GCC2: variants seen among roughly 807,000 people sequenced by gnomAD.
GCC2 encodes GRIP and coiled-coil domain-containing protein 2.
A neutral mutation model predicts 210.6 loss-of-function variants in GCC2; 120 were observed. The ratio of observed to expected loss-of-function variants is 0.57; its 90% CI spans 0.49 to 0.66. The LOEUF (loss-of-function observed/expected upper bound fraction) is 0.66, where lower values mean the gene tolerates loss of function less well. Among genes scored for constraint, GCC2 ranks in the 30% least tolerant of loss-of-function variants. The probability of loss-of-function intolerance (pLI) is 0.00; values close to 1 mark genes in which losing one functional copy is unlikely to be tolerated. For missense variants in GCC2, 1,868 were observed against 1,871.9 expected (o/e 1.00, Z 0.04); for synonymous variants, 703 against 652.7 (o/e 1.08, Z -1.17).
chr2:108,489,813 T>G lies in GCC2; in HGVS notation c.4053-25T>G, dbSNP rs199571243. The G allele has an allele frequency of 7.1e-5, 109 of 1,545,020 alleles. No homozygotes were observed. In the African/African-American group the frequency reaches 1.4e-3, roughly 20 times the overall value. ...TCAAATTCACCTTTTTCAAAAAATT[T>G]TAAAACTGTGTATTTCTGTTTTAGG... On this transcript the variant is annotated intron_variant, in intron 17 of 22. Transcript: ENST00000309863.
Position 108,473,028 on chromosome 2 carries a change from G to A in GCC2, c.2860+129G>A, listed in dbSNP as rs148432451. 412 of 550,100 alleles carry A rather than the reference G, an allele frequency of 7.5e-4. 4 individuals carry two copies. The highest frequency in any genetic ancestry group is 7.5e-3 in the African/African-American group (377 of 50,414). The allele number at this position is 550,100 out of a possible 1,614,324, so 34.1% of individuals were successfully genotyped here. Reference sequence around the variant, plus strand: ...CACAGTTCGTAGCTGTCTTTTCCTCGAGCTCACATTCTTGCCCCTCTAACA... The same window carrying A: ...CACAGTTCGTAGCTGTCTTTTCCTCAAGCTCACATTCTTGCCCCTCTAACA... On this transcript the variant is annotated intron_variant, in intron 7 of 22. Transcript: ENST00000309863.
intron 7 of GCC2, chr2:108,474,955 C>G (rs1430759869): frequency 6.6e-6 from 1 of 152,112 alleles, no homozygotes; most frequent in Non-Finnish European, 1.5e-5. Context: ...AGGGAAGGCA[C>G]CGGTGCAAGT....
At chr2:108,461,217 T>A (rs190052175) in intron 4 of GCC2, among the ~76,000 whole-genome samples, 2 of 152,298 alleles carry the variant, frequency 1.3e-5, no homozygotes, top group African/African-American at 2.4e-5. Context: ...GTCTGTAAGC[T>A]TCCTACTGAG....
chr2:108,500,509 A>C (rs952127554), intron 22 of GCC2, among the ~76,000 whole-genome samples: 1 of 151,738 alleles, frequency 6.6e-6, no homozygotes, highest in African/African-American at 2.4e-5. Context: ...ACTCCATCTC[A>C]AACAAAAAAC....
At chr2:108,484,090 A>G (rs896604323) in intron 12 of GCC2, 59 bp from the exon 13 acceptor site, 2 of 1,225,050 alleles carry the variant, frequency 1.6e-6, no homozygotes, top group South Asian at 1.7e-5. Context: ...AATGAAAAAA[A>G]AAATTTACAA....
chr2:108,480,263 G>A (rs1388241767), intron 9 of GCC2, among the ~76,000 whole-genome samples: 4 of 152,130 alleles, frequency 2.6e-5, no homozygotes, highest in African/African-American at 7.2e-5. Context: ...AAAATAACAG[G>A]TGCTGGTAAG....
chr2:108,460,154 A>G (rs1207492988), intron 4 of GCC2, among the ~76,000 whole-genome samples: 2 of 152,102 alleles, frequency 1.3e-5, no homozygotes, highest in African/African-American at 2.4e-5. Context: ...CCTGGCCACT[A>G]AATAGATTTT....
In GCC2 at chr2:108,485,788, G is replaced by A. The variant is rs1682111171; in HGVS notation, c.3715-43G>A. 2.1e-6 allele frequency: 3 copies of A among 1,439,260 alleles called. No homozygotes were observed. In the South Asian group the frequency reaches 3.7e-5, roughly 18 times the overall value. 89.2% of individuals were successfully genotyped at this position (1,439,260 alleles called of 1,614,324 possible). ...TAGTACTTATTCATAATTTATTTAT[G>A]AGTAACATTAAAAAAAATTTAACCA... On this transcript the variant is annotated intron_variant, in intron 14 of 22. Transcript: ENST00000309863.
At chr2:108,456,144 C>T (rs1056084645) in intron 4 of GCC2, among the ~76,000 whole-genome samples, 9 of 152,176 alleles carry the variant, frequency 5.9e-5, no homozygotes, top group Non-Finnish European at 1.2e-4. Flanking sequence ...GCCACCAAGC[C>T]TGGCTAATTT....
intron 17 of GCC2, among the ~76,000 whole-genome samples, chr2:108,489,256 C>G (rs886921473): frequency 1.5e-4 from 23 of 152,196 alleles, no homozygotes; most frequent in African/African-American, 4.3e-4. Context: ...CGGTTCACAC[C>G]TGTAATCCCA....
Position 108,475,585 on chromosome 2 carries a change from A to T in GCC2, c.2911A>T (p.Lys971Ter). ...KEKEEKINKI[K>*]LVAVKAKKEL... ...AAAGGAGGAGAAAATAAATAAGATAAAATTAGTTGCCGTAAAGGCAAAGAA... is the reference window on the plus strand; with the variant it reads ...AAAGGAGGAGAAAATAAATAAGATATAATTAGTTGCCGTAAAGGCAAAGAA... The change falls in exon 8 of 23, where the codon AAA becomes TAA. Residue 971 changes from lysine to a stop codon, truncating the protein, a stop_gained. Coordinates refer to ENST00000309863, the MANE Select transcript of GCC2 (RefSeq NM_181453.4). LOFTEE classifies it high-confidence loss of function. 6.5e-7 allele frequency: 1 copy of T among 1,541,620 alleles called. No individual in the cohort carries two copies. Among genetic ancestry groups the T allele is most frequent in the Non-Finnish European group, 8.7e-7 (1 of 1,147,566 alleles).
intron 9 of GCC2, among the ~76,000 whole-genome samples, chr2:108,476,135 A>C (rs1423211020): frequency 7.4e-6 from 1 of 135,118 alleles, no homozygotes; most frequent in African/African-American, 2.8e-5. Flanking sequence ...ATCTTGGCTC[A>C]CTGCACCCTC....
At chr2:108,505,052 T>G (rs1683118397) in intron 22 of GCC2, among the ~76,000 whole-genome samples, 1 of 152,232 alleles carries the variant, frequency 6.6e-6, no homozygotes, top group African/African-American at 2.4e-5. Context: ...ATGCATCCTA[T>G]CTTAGCACAG....
Position 108,495,440 on chromosome 2 carries a change from A to C in GCC2, c.4597A>C (p.Thr1533Pro), listed in dbSNP as rs200660208. Residue 1533 changes from threonine (T) to proline (P), a missense_variant, in exon 20 of 23, where the codon ACA becomes CCA. Thr to Pro is a conservative substitution (Grantham distance 38, BLOSUM62 -1). This residue lies in a region of GCC2 where 1,847 missense variants were observed against 1,765.2 expected (regional missense o/e 1.05). Transcript: ENST00000309863. ...TESVSSASTY[T>P]QSLEQLLNSP... ...GTCTGTGTCTTCCGCCAGCACATAC[A>C]CACAGTCTTTAGAGCAGCTGCTTAA... The C allele has an allele frequency of 1.6e-4, 251 of 1,594,638 alleles. No individual in the cohort carries two copies. Among genetic ancestry groups the C allele is most frequent in the Non-Finnish European group, 2.0e-4 (236 of 1,178,706 alleles).
At chr2:108,486,157 C>T (rs1242242220) in intron 15 of GCC2, among the ~76,000 whole-genome samples, 2 of 152,024 alleles carry the variant, frequency 1.3e-5, no homozygotes, top group Non-Finnish European at 2.9e-5. Flanking sequence ...AAGCCTGCAT[C>T]TGAACTAAAT....
At chr2:108,449,554 C>T (rs1373741809) in intron 1 of GCC2, 79 bp from the exon 2 acceptor site, 5 of 1,424,242 alleles carry the variant, frequency 3.5e-6, no homozygotes, top group East Asian at 4.5e-5. Context: ...GAAGGTTTTT[C>T]CCTGTAAGGG....
rs116294087 is a variant in GCC2 at position 108,464,391 on chromosome 2, G to A, written c.217-4589G>A. On this transcript the variant is annotated intron_variant, in intron 4 of 22. Transcript: ENST00000309863. The stretch of plus-strand genomic sequence containing the variant: ...CGGGCAAGACATAATCCAGTGGAGT[G>A]GAGGCCATGGCACTGTGCTGCCACT... Among the ~76,000 whole-genome samples the A allele has an allele frequency of 8.0e-3, 1,219 of 152,346 alleles. 7 individuals are homozygous for A. The highest frequency in any genetic ancestry group is 0.014 in the Non-Finnish European group (929 of 68,034).
Position 108,475,856 on chromosome 2 carries a change from A to G in GCC2, c.3060+6A>G. ...AAGGAGCAGAAAGCTATAAGGTAAA[A>G]AATAGTCATTTTAATAACAAGTTAT... On this transcript the variant is annotated splice_donor_region_variant and intron_variant, in intron 9 of 22. Transcript: ENST00000309863. 1 of 1,441,820 alleles carries G rather than the reference A, an allele frequency of 6.9e-7. No homozygotes were observed. Among genetic ancestry groups the G allele is most frequent in the Non-Finnish European group, 9.6e-7 (1 of 1,046,012 alleles). 89.3% of individuals were successfully genotyped at this position (1,441,820 alleles called of 1,614,324 possible).
At position 108,480,663 on chromosome 2, in the gene GCC2, T is replaced by C. The variant is rs1681804481; in HGVS notation, c.3061-1034T>C. ...ATTAATGGAGGAACGGAAAACTAAA[T>C]ACCACATGTTCTCACTTATAAGTGG... On this transcript the variant is annotated intron_variant, in intron 9 of 22. Coordinates refer to ENST00000309863, the MANE Select transcript of GCC2 (RefSeq NM_181453.4). 2.6e-5 allele frequency among the ~76,000 whole-genome samples: 4 copies of C among 152,148 alleles called. No homozygotes were observed. In the South Asian group the frequency reaches 6.2e-4, roughly 24 times the overall value.
Sources: gnomAD v4.1 joint callset for allele counts (sites outside exome capture counted in the v4.1 genomes callset) on GRCh38, gnomAD v4.1.1 for gene constraint, gnomAD v4.1.1 regional missense constraint, MANE v1.5 for transcripts, NCBI Gene and HGNC (gene_info 2026-07-23, HGNC 2026-07-21) for gene names.